Variants in INPP5A observed in about 807,000 individuals in gnomAD.
INPP5A encodes inositol polyphosphate-5-phosphatase A.
In INPP5A, 14 loss-of-function variants were observed where a neutral mutation model predicts 65.2. That is an observed-to-expected ratio of 0.21 (90% CI 0.14 to 0.34). The LOEUF is 0.34. Ranked by LOEUF, INPP5A falls within the 10% of genes least tolerant of loss-of-function variation. INPP5A has a pLI of 1.00. For synonymous variants in INPP5A, 207 were observed against 208.3 expected, an observed-to-expected ratio of 0.99 and a Z score of 0.05; for missense variants, 431 against 545.6, an observed-to-expected ratio of 0.79 and a Z score of 2.09.
rs2072204652 is a variant in INPP5A, at chr10:132,627,668, C to T, written c.118-18200C>T. Among the ~76,000 whole-genome samples the T allele has an allele frequency of 1.3e-5, 2 of 152,094 alleles. No homozygotes were observed. Among genetic ancestry groups the T allele is most frequent in the South Asian group, 4.1e-4 (2 of 4,822 alleles). On this transcript the variant is annotated intron_variant, in intron 2 of 15. Transcript: ENST00000368594. The surrounding 1 kb of genome is among the most constrained non-coding windows in gnomAD (Gnocchi z 6.6). ...GTGAAAGCAGCGAGCACAGTGTGGTCCGGGGCTGGGGGTGTGAGATGGCTG... is the reference window on the plus strand; with the variant it reads ...GTGAAAGCAGCGAGCACAGTGTGGTTCGGGGCTGGGGGTGTGAGATGGCTG...
intron 11 of INPP5A, among the ~76,000 whole-genome samples, chr10:132,757,218 G>A (rs1260869520): frequency 6.6e-6 from 1 of 152,184 alleles, no homozygotes; most frequent in Non-Finnish European, 1.5e-5. Flanking sequence ...TACTCTCAGC[G>A]CTGGGCATTT....
At chr10:132,746,514 G>A (rs1205372549) in intron 9 of INPP5A, among the ~76,000 whole-genome samples, 7 of 152,156 alleles carry the variant, frequency 4.6e-5, no homozygotes, top group African/African-American at 1.7e-4. Context: ...CTTTCTCCTG[G>A]GCTGACACCT....
intron 9 of INPP5A, among the ~76,000 whole-genome samples, chr10:132,728,821 G>T (rs1418313632): frequency 6.6e-6 from 1 of 152,208 alleles, no homozygotes; most frequent in African/African-American, 2.4e-5. Flanking sequence ...CACTGGAGCA[G>T]CCGCGGGAGC....
chr10:132,622,320 G>A (rs932688664), intron 2 of INPP5A, among the ~76,000 whole-genome samples: 3 of 150,816 alleles, frequency 2.0e-5, no homozygotes, highest in East Asian at 1.9e-4. Flanking sequence ...TACCGCGTTC[G>A]TGGATTGGAA....
At chr10:132,703,351 G>A (rs550748115) in intron 6 of INPP5A, among the ~76,000 whole-genome samples, 2 of 152,036 alleles carry the variant, frequency 1.3e-5, no homozygotes, top group South Asian at 4.1e-4. Context: ...CCCGCCAGCC[G>A]CAGGCCCCTG....
intron 2 of INPP5A, among the ~76,000 whole-genome samples, chr10:132,626,113 G>A (rs931474165): frequency 4.6e-5 from 7 of 152,154 alleles, no homozygotes; most frequent in African/African-American, 1.4e-4. Context: ...GGAACGTGGC[G>A]GCACCCGCCT....
At position 132,612,886 on chromosome 10, in the gene INPP5A, C is replaced by T. The variant is rs150617735; in HGVS notation, c.117+4930C>T. On this transcript the variant is annotated intron_variant, in intron 2 of 15. Coordinates refer to ENST00000368594, the MANE Select transcript of INPP5A (RefSeq NM_005539.5). ...GGTTTTGGGCGCATCCAGGAGGGGC[C>T]GGCAGTGGGGATGGGTCCTGGCTGC... is the stretch of plus-strand genomic sequence containing the variant. 5.9e-5 allele frequency among the ~76,000 whole-genome samples: 9 copies of T among 152,210 alleles called. No homozygotes were observed. In the East Asian group the frequency reaches 1.4e-3, roughly 23 times the overall value.
At chr10:132,716,364 C>T (rs1033448864) in intron 8 of INPP5A, among the ~76,000 whole-genome samples, 1 of 152,230 alleles carries the variant, frequency 6.6e-6, no homozygotes, top group Non-Finnish European at 1.5e-5. Context: ...AGGCAAGCGT[C>T]GACGTGACGT....
rs771489820 is a variant in INPP5A at position 132,704,549 on chromosome 10, T to A, written c.475-3764T>A. On this transcript the variant is annotated intron_variant, in intron 6 of 15. Transcript: ENST00000368594. The surrounding 1 kb of genome is among the most constrained non-coding windows in gnomAD (Gnocchi z 4.5). ...CGGCAACATGGGCTCTGTCCTCCCC[T>A]CCTTGTACCCGAGGCCCCACAGCTG... Among the ~76,000 whole-genome samples the A allele has an allele frequency of 6.6e-6, 1 of 152,150 alleles. No individual in the cohort carries two copies. The highest frequency in any genetic ancestry group is 1.5e-5 in the Non-Finnish European group (1 of 68,016).
At chr10:132,691,767 A>ACAGGAGGCGTGTGGACG (rs886972496) in intron 5 of INPP5A, among the ~76,000 whole-genome samples, 1 of 152,176 alleles carries the variant, frequency 6.6e-6, no homozygotes. Context: ...GCATGCAGAC[A>ACAGGAGGCGTGTGGACG]CAGGAGGCGT....
intron 4 of INPP5A, among the ~76,000 whole-genome samples, chr10:132,656,102 G>C (rs997268216): frequency 5.3e-5 from 8 of 152,380 alleles, no homozygotes; most frequent in Admixed American, 5.2e-4. Context: ...AGCACTGCTG[G>C]GGCCCATGCC....
intron 1 of INPP5A, among the ~76,000 whole-genome samples, chr10:132,581,441 G>T (rs981346951): frequency 6.6e-6 from 1 of 152,178 alleles, no homozygotes; most frequent in African/African-American, 2.4e-5. Context: ...TGGAGTAGAT[G>T]TGCATTTAGT....
At chr10:132,639,452 T>G (rs1196359569) in intron 2 of INPP5A, among the ~76,000 whole-genome samples, 4 of 152,212 alleles carry the variant, frequency 2.6e-5, no homozygotes. Context: ...CCAGTTGGTT[T>G]CAGAAGTTTT....
intron 1 of INPP5A, among the ~76,000 whole-genome samples, chr10:132,583,720 G>A (rs184805976): frequency 2.5e-4 from 38 of 152,098 alleles, no homozygotes; most frequent in African/African-American, 8.9e-4. Flanking sequence ...AAATTACATC[G>A]CTGTTTAGTT....
In INPP5A at chr10:132,762,777, G is replaced by A. The variant is rs1846757751; in HGVS notation, c.904-2996G>A. Among the ~76,000 whole-genome samples, 1 of 152,152 alleles carries A rather than the reference G, an allele frequency of 6.6e-6. No homozygotes were observed. The highest frequency in any genetic ancestry group is 1.5e-5 in the Non-Finnish European group (1 of 68,022). On this transcript the variant is annotated intron_variant, in intron 11 of 15. Transcript: ENST00000368594. This position sits in a 1 kb window ranked among gnomAD's most constrained non-coding sequence, Gnocchi z 4.6. ...AGGCCGAGGCAGGAGGATTGCTTGA[G>A]GCCAGTAGTCTCAGACAAGCCAGGG...
chr10:132,596,666 G>A lies in INPP5A; in HGVS notation c.76-11249G>A, dbSNP rs149476024. On this transcript the variant is annotated intron_variant, in intron 1 of 15. Transcript: ENST00000368594. ...GCTGTTCTTGAGAATTCCTGACCTC[G>A]TGATCCACCCTCCTTGGCCTCCCAA... Among the ~76,000 whole-genome samples the A allele has an allele frequency of 4.6e-3, 708 of 152,276 alleles. 5 individuals are homozygous for A. The highest frequency in any genetic ancestry group is 0.016 in the African/African-American group (675 of 41,570).
intron 4 of INPP5A, among the ~76,000 whole-genome samples, chr10:132,688,764 G>A (rs1273997294): frequency 6.6e-6 from 1 of 152,056 alleles, no homozygotes; most frequent in Non-Finnish European, 1.5e-5. Flanking sequence ...GTGCATGTGA[G>A]TGCACGAATG....
In INPP5A at chr10:132,728,153, G is replaced by A. The variant is rs375512802; in HGVS notation, c.732+1248G>A. Among the ~76,000 whole-genome samples the A allele has an allele frequency of 6.8e-4, 103 of 152,332 alleles. No homozygotes were observed. The South Asian group carries it at 0.02, about 29-fold the overall frequency. On this transcript the variant is annotated intron_variant, in intron 9 of 15. Coordinates refer to ENST00000368594, the MANE Select transcript of INPP5A (RefSeq NM_005539.5). The stretch of plus-strand genomic sequence containing the variant: ...GCCGTGCTGGTGGCATTGCCTAAAC[G>A]TTCAGTGGCTCCTGGTCGAGGCATC...
chr10:132,780,828 C>T (rs1381648110), intron 13 of INPP5A, 21 bp from the exon 14 acceptor site: 2 of 1,611,232 alleles, frequency 1.2e-6, no homozygotes, highest in Non-Finnish European at 1.7e-6. Flanking sequence ...CCACACTCAC[C>T]TGTCTGTTTC....
Sources: gnomAD v4.1 joint callset for allele counts (sites outside exome capture counted in the v4.1 genomes callset) on GRCh38, gnomAD v4.1.1 for gene constraint, Gnocchi (gnomAD v3.1) non-coding constraint, MANE v1.5 for transcripts, NCBI Gene and HGNC (gene_info 2026-07-23, HGNC 2026-07-21) for gene names.